The following FAM135B variants were observed in gnomAD, a reference collection of about 807,000 sequenced individuals.
FAM135B encodes family with sequence similarity 135 member B.
FAM135B carries 43 observed loss-of-function variants against 127.7 expected under a neutral mutation model. That is an observed-to-expected ratio of 0.34 (90% CI 0.26 to 0.43). FAM135B has a LOEUF of 0.43. Ranked by LOEUF, FAM135B falls within the 20% of genes least tolerant of loss-of-function variation. The probability of loss-of-function intolerance (pLI) is 1.00; values close to 1 mark genes in which losing one functional copy is unlikely to be tolerated. For synonymous variants in FAM135B, 670 were observed against 665.1 expected (o/e 1.01, Z -0.11); for missense variants, 1,558 against 1,725.6 (o/e 0.90, Z 1.72).
intron 1 of FAM135B, among the ~76,000 whole-genome samples, chr8:138,481,168 T>C (rs371365122): frequency 6.6e-6 from 1 of 152,234 alleles, no homozygotes; most frequent in African/African-American, 2.4e-5. Flanking sequence ...TGCTATAGAC[T>C]TGATTAAATT....
At position 138,163,904 on chromosome 8, in the gene FAM135B, C is replaced by T. The variant is rs200840860; in HGVS notation, c.1258+3991G>A. On this transcript the variant is annotated intron_variant, in intron 12 of 19. Transcript: ENST00000395297. ...TGACAGGAGGCACGGTCACAGCTCA[C>T]TGTAGCCTCAAACTCCTGGGCTCAA... Among the ~76,000 whole-genome samples the T allele has an allele frequency of 3.9e-4, 59 of 152,300 alleles. 1 individual carries two copies. In the East Asian group the frequency reaches 0.011, roughly 27 times the overall value.
intron 7 of FAM135B, among the ~76,000 whole-genome samples, chr8:138,205,366 C>G (rs1254773075): frequency 1.3e-5 from 2 of 152,186 alleles, no homozygotes; most frequent in Non-Finnish European, 2.9e-5. Flanking sequence ...GCTGAACTTC[C>G]TCTTTGAACT....
At chr8:138,444,581 T>C (rs897493155) in intron 1 of FAM135B, among the ~76,000 whole-genome samples, 5 of 152,030 alleles carry the variant, frequency 3.3e-5, no homozygotes, top group African/African-American at 4.8e-5. Flanking sequence ...AAGGCAGAAA[T>C]AAAGATGTTC....
chr8:138,318,302 G>A lies in FAM135B; in HGVS notation c.78-7382C>T, dbSNP rs183089833. Among the ~76,000 whole-genome samples the A allele has an allele frequency of 1.1e-3, 171 of 152,244 alleles. 2 individuals are homozygous for A. Among genetic ancestry groups the A allele is most frequent in the African/African-American group, 3.8e-3 (159 of 41,538 alleles). On this transcript the variant is annotated intron_variant, in intron 2 of 19. Coordinates refer to ENST00000395297, the MANE Select transcript of FAM135B (RefSeq NM_015912.4). The stretch of plus-strand genomic sequence containing the variant: ...AAGGGACATGAATCCCATCAGCACC[G>A]CCACCAACTGTCACATTGTAAGGGT...
chr8:138,172,209 C>T (rs1276145210), intron 11 of FAM135B, among the ~76,000 whole-genome samples: 1 of 152,176 alleles, frequency 6.6e-6, no homozygotes, highest in African/African-American at 2.4e-5. Flanking sequence ...ATTAGCACAA[C>T]TGGGAGTGAA....
chr8:138,388,349 A>G (rs1436838981), intron 1 of FAM135B, among the ~76,000 whole-genome samples: 1 of 152,210 alleles, frequency 6.6e-6, no homozygotes, highest in Admixed American at 6.5e-5. Context: ...TTTGTATGAA[A>G]TGAAATATAC....
intron 11 of FAM135B, among the ~76,000 whole-genome samples, chr8:138,170,271 G>A (rs1039130357): frequency 6.9e-6 from 1 of 145,872 alleles, no homozygotes; most frequent in Non-Finnish European, 1.5e-5. Context: ...TGCCCAGGCT[G>A]GAGTGCAATG....
chr8:138,253,828 G>T (rs182533202), intron 5 of FAM135B, among the ~76,000 whole-genome samples: 1 of 152,280 alleles, frequency 6.6e-6, no homozygotes, highest in African/African-American at 2.4e-5. Flanking sequence ...AGATGATTTG[G>T]TCATGTTTCA....
At chr8:138,194,020 C>T (rs1002343231) in intron 9 of FAM135B, among the ~76,000 whole-genome samples, 2 of 152,150 alleles carry the variant, frequency 1.3e-5, no homozygotes, top group Non-Finnish European at 2.9e-5. Flanking sequence ...CCCAGCTGCC[C>T]GCTCATCCAC....
At chr8:138,429,717 C>T (rs1835092405) in intron 1 of FAM135B, among the ~76,000 whole-genome samples, 1 of 152,152 alleles carries the variant, frequency 6.6e-6, no homozygotes, top group Admixed American at 6.6e-5. Flanking sequence ...ACAAGTAGAA[C>T]AGCAGAGGCA....
intron 3 of FAM135B, among the ~76,000 whole-genome samples, chr8:138,287,142 C>A (rs1384741809): frequency 6.6e-6 from 1 of 152,122 alleles, no homozygotes; most frequent in Non-Finnish European, 1.5e-5. Flanking sequence ...ACATTTTCTA[C>A]ATGATATACC....
At chr8:138,285,984 G>C (rs1824652923) in intron 3 of FAM135B, among the ~76,000 whole-genome samples, 1 of 152,222 alleles carries the variant, frequency 6.6e-6, no homozygotes, top group Non-Finnish European at 1.5e-5. Context: ...AGTTATGGCA[G>C]TGAAGAGAAC....
At chr8:138,138,416 G>C (rs966244063) in intron 18 of FAM135B, among the ~76,000 whole-genome samples, 1 of 152,208 alleles carries the variant, frequency 6.6e-6, no homozygotes, top group Non-Finnish European at 1.5e-5. Context: ...AGGGCAATCA[G>C]TCAGCTGCTC....
At chr8:138,405,624 T>A (rs916555433) in intron 1 of FAM135B, among the ~76,000 whole-genome samples, 3 of 152,132 alleles carry the variant, frequency 2.0e-5, no homozygotes, top group African/African-American at 7.2e-5. Context: ...TGTTAGACAT[T>A]TGGGTTGGTT....
At chr8:138,329,552 G>A (rs1828029218) in intron 2 of FAM135B, among the ~76,000 whole-genome samples, 1 of 152,192 alleles carries the variant, frequency 6.6e-6, no homozygotes, top group African/African-American at 2.4e-5. Context: ...ACTAGGAGAT[G>A]TATTCTGTAA....
intron 7 of FAM135B, among the ~76,000 whole-genome samples, chr8:138,229,051 G>C (rs1819703233): frequency 6.6e-6 from 1 of 152,090 alleles, no homozygotes; most frequent in African/African-American, 2.4e-5. Flanking sequence ...ACGTGTGTGT[G>C]TGTGTGTGTG....
rs1379303329 is a variant in FAM135B, at chr8:138,348,601, CTGG to C, written c.77+19303_77+19305del. ...CCCAACTATATTAACACATCTTCTT[CTGG>C]TAAGGACACTAATGACTGCCCACAA... On this transcript the variant is annotated intron_variant, in intron 2 of 19. Transcript: ENST00000395297. Among the ~76,000 whole-genome samples, 3 of 152,236 alleles carry C rather than the reference CTGG, an allele frequency of 2.0e-5. No individual in the cohort carries two copies. The East Asian group carries it at 5.8e-4, about 29-fold the overall frequency.
intron 15 of FAM135B, among the ~76,000 whole-genome samples, chr8:138,144,903 C>T (rs1817528456): frequency 6.6e-6 from 1 of 152,204 alleles, no homozygotes; most frequent in Admixed American, 6.5e-5. Flanking sequence ...GAAAAGAAAA[C>T]CTCACTAGCA....
chr8:138,220,061 T>TCACACACACACACACA (rs3221962), intron 7 of FAM135B, among the ~76,000 whole-genome samples: 6,105 of 146,432 alleles, frequency 0.042, 188 homozygotes, highest in Non-Finnish European at 0.049. Context: ...TTGCCTAAAA[T>TCACACACACACACACA]CACACACACA....
Sources: gnomAD v4.1 joint callset for allele counts (sites outside exome capture counted in the v4.1 genomes callset) on GRCh38, gnomAD v4.1.1 for gene constraint, MANE v1.5 for transcripts, NCBI Gene and HGNC (gene_info 2026-07-23, HGNC 2026-07-21) for gene names.